DCAF8L2: variants seen among roughly 807,000 people sequenced by gnomAD.
DCAF8L2 encodes DDB1- and CUL4-associated factor 8-like protein 2.
For missense variants in DCAF8L2, 430 were observed against 490.7 expected, an observed-to-expected ratio of 0.88 and a Z score of 1.17; for synonymous variants, 200 against 190.9, an observed-to-expected ratio of 1.05 and a Z score of -0.39.
chrX:27,620,984 T>C (rs1036426026), intron 1 of DCAF8L2, among the ~76,000 whole-genome samples: 4 of 112,202 alleles, frequency 3.6e-5, no homozygotes, highest in Non-Finnish European at 7.5e-5. Context: ...ATATTCAACC[T>C]TACAACGGAA....
chrX:27,622,124 C>T (rs1927794724), intron 1 of DCAF8L2, among the ~76,000 whole-genome samples: 1 of 111,181 alleles, frequency 9.0e-6, no homozygotes, highest in African/African-American at 3.3e-5. Context: ...ACTTTTACAT[C>T]TCTATTCAAC....
At chrX:27,516,698 G>T in the DCAF8L2 span, among the ~76,000 whole-genome samples, 1 of 111,417 alleles carries the variant, frequency 9.0e-6, no homozygotes, top group Non-Finnish European at 1.9e-5. Flanking sequence ...ATTTCTCGAT[G>T]ATTGAGACTA....
At chrX:27,469,322 A>G in the DCAF8L2 span, among the ~76,000 whole-genome samples, 3 of 111,443 alleles carry the variant, frequency 2.7e-5, no homozygotes, top group East Asian at 2.8e-4. Flanking sequence ...TCCTCTTCCT[A>G]CCTTGATCAT....
Position 27,748,351 on chromosome X carries a change from G to A in DCAF8L2, c.1456G>A (p.Val486Met), listed in dbSNP as rs1411393990. ...NFYGPRSEFVVSGSDCGHIFF... is the reference protein window; with the variant it reads ...NFYGPRSEFVMSGSDCGHIFF... ...CTATGGCCCCAGGAGTGAGTTTGTA[G>A]TGAGCGGTAGTGATTGCGGGCACAT... Residue 486 changes from valine (V) to methionine (M), a missense_variant, in exon 5 of 5, where the codon GTG becomes ATG. By Grantham distance (21) the Val-to-Met change is conservative (BLOSUM62 1). Coordinates refer to ENST00000451261, the MANE Select transcript of DCAF8L2 (RefSeq NM_001353450.2). The A allele has an allele frequency of 8.3e-7, 1 of 1,204,729 alleles. No homozygotes were observed. Among genetic ancestry groups the A allele is most frequent in the Admixed American group, 2.2e-5 (1 of 45,134 alleles).
At chrX:27,650,276 G>T (rs766571828) in intron 2 of DCAF8L2, among the ~76,000 whole-genome samples, 2 of 111,570 alleles carry the variant, frequency 1.8e-5, no homozygotes, top group Admixed American at 9.6e-5. Context: ...TTGGCTATTA[G>T]GGCTCTTTTA....
At chrX:27,575,703 T>C in the DCAF8L2 span, among the ~76,000 whole-genome samples, 1 of 112,369 alleles carries the variant, frequency 8.9e-6, no homozygotes, top group Non-Finnish European at 1.9e-5. Flanking sequence ...AGATTTGGTT[T>C]CCATTGAAGC....
chrX:27,713,013 T>C (rs1931580623), intron 3 of DCAF8L2, among the ~76,000 whole-genome samples: 1 of 111,708 alleles, frequency 9.0e-6, no homozygotes, highest in African/African-American at 3.2e-5. Context: ...ATGATCCAAG[T>C]AGATATGCTG....
chrX:27,490,230 G>A, the DCAF8L2 span, among the ~76,000 whole-genome samples: 902 of 112,080 alleles, frequency 8.0e-3, 49 homozygotes, highest in East Asian at 0.2. Flanking sequence ...TTTATGAAAT[G>A]TCTCTTCAAA....
chrX:27,483,268 A>G, the DCAF8L2 span, among the ~76,000 whole-genome samples: 1 of 111,561 alleles, frequency 9.0e-6, no homozygotes, highest in Non-Finnish European at 1.9e-5. Flanking sequence ...CAAGATAATA[A>G]CGTCCTGTTA....
intron 2 of DCAF8L2, among the ~76,000 whole-genome samples, chrX:27,668,583 A>AC (rs1569177067): frequency 8.9e-6 from 1 of 111,760 alleles, no homozygotes; most frequent in Admixed American, 9.5e-5. Flanking sequence ...CAAACAGCTG[A>AC]CCAGCTGTCA....
the DCAF8L2 span, among the ~76,000 whole-genome samples, chrX:27,474,864 C>T: frequency 9.0e-6 from 1 of 111,009 alleles, no homozygotes; most frequent in African/African-American, 3.3e-5. Flanking sequence ...TGACTCCTAC[C>T]TACTTCTCTG....
At chrX:27,670,996 T>G (rs1008594313) in intron 2 of DCAF8L2, among the ~76,000 whole-genome samples, 4 of 112,164 alleles carry the variant, frequency 3.6e-5, no homozygotes, top group Non-Finnish European at 7.5e-5. Flanking sequence ...CATTCCTTTA[T>G]GGCAACACAA....
At chrX:27,537,431 T>A in the DCAF8L2 span, among the ~76,000 whole-genome samples, 30 of 112,572 alleles carry the variant, frequency 2.7e-4, no homozygotes, top group Non-Finnish European at 5.2e-4. Flanking sequence ...GGTAAAGAGT[T>A]GGAAATTCTA....
chrX:27,603,497 A>G (rs1337356988), intron 1 of DCAF8L2, among the ~76,000 whole-genome samples: 1 of 112,089 alleles, frequency 8.9e-6, no homozygotes, highest in Non-Finnish European at 1.9e-5. Context: ...AAAGTTCAAA[A>G]TATAAAATCG....
the DCAF8L2 span, among the ~76,000 whole-genome samples, chrX:27,484,973 A>C: frequency 8.9e-6 from 1 of 111,974 alleles, no homozygotes; most frequent in African/African-American, 3.2e-5. Flanking sequence ...ATACAACCTA[A>C]TTTGACTAGA....
chrX:27,689,896 A>G (rs757515443), intron 3 of DCAF8L2, among the ~76,000 whole-genome samples: 1 of 112,237 alleles, frequency 8.9e-6, no homozygotes, highest in South Asian at 3.7e-4. Flanking sequence ...GCCATAAAGA[A>G]AAATAAGAAA....
chrX:27,506,085 T>G, the DCAF8L2 span, among the ~76,000 whole-genome samples: 1 of 112,155 alleles, frequency 8.9e-6, no homozygotes, highest in South Asian at 3.7e-4. Flanking sequence ...ATATATAGAT[T>G]AGCATAACCT....
At chrX:27,728,104 G>A (rs1371693876) in intron 4 of DCAF8L2, among the ~76,000 whole-genome samples, 1 of 111,357 alleles carries the variant, frequency 9.0e-6, no homozygotes, top group Non-Finnish European at 1.9e-5. Context: ...TACTAAATTC[G>A]GGTGTGAAGT....
intron 3 of DCAF8L2, among the ~76,000 whole-genome samples, chrX:27,680,810 C>T (rs985303255): frequency 1.3e-4 from 15 of 112,214 alleles, no homozygotes; most frequent in African/African-American, 4.5e-4. Flanking sequence ...AGTGGAGATA[C>T]ATTTGAGATC....
Sources: gnomAD v4.1 joint callset for allele counts (sites outside exome capture counted in the v4.1 genomes callset) on GRCh38, gnomAD v4.1.1 for gene constraint, MANE v1.5 for transcripts, NCBI Gene and HGNC (gene_info 2026-07-23, HGNC 2026-07-21) for gene names.